The following SPATA24 variants were observed in gnomAD, a reference collection of about 807,000 sequenced individuals.
The protein encoded by SPATA24 is spermatogenesis associated 24.
In SPATA24, 21 loss-of-function variants were observed where a neutral mutation model predicts 28.9. That is an observed-to-expected ratio of 0.73 (90% CI 0.52 to 1.05). The LOEUF is 1.05. SPATA24 is among the 50% of genes least tolerant of loss of function. The pLI, the probability that SPATA24 is intolerant of heterozygous loss-of-function variation, is 0.00. For missense variants in SPATA24, 215 were observed against 242.9 expected, an observed-to-expected ratio of 0.88 and a Z score of 0.76; for synonymous variants, 76 against 89.9, an observed-to-expected ratio of 0.85 and a Z score of 0.88.
intron 2 of SPATA24, among the ~76,000 whole-genome samples, 169 bp from the exon 3 acceptor site, chr5:139,402,214 CTTTT>C (rs1350123584): frequency 6.6e-6 from 1 of 150,804 alleles, no homozygotes; most frequent in Non-Finnish European, 1.5e-5. Flanking sequence ...TTTCTTTTTT[CTTTT>C]TTCTTTTTTT....
At position 139,402,660 on chromosome 5, in the gene SPATA24, C is replaced by T. The variant is rs1758851501; in HGVS notation, c.151G>A (p.Glu51Lys). 6.4e-7 allele frequency: 1 copy of T among 1,551,908 alleles called. No individual in the cohort carries two copies. The highest frequency in any genetic ancestry group is 1.2e-5 in the South Asian group (1 of 84,062). Residue 51 changes from glutamate (E) to lysine (K), a missense_variant, in exon 2 of 6, where the codon GAA becomes AAA. Physicochemically the swap from Glu to Lys is moderately conservative, Grantham distance 56. Transcript: ENST00000450845. ...VLQDENFVSK[E>K]EFQAVEKKLV... is the part of the protein sequence containing the mutation. ...TTCTTCTCCACTGCCTGGAACTCTT[C>T]TTTACTGACAAAATTTTCGTCCTGG... is the stretch of plus-strand genomic sequence containing the variant.
At chr5:139,399,924 T>C (rs1431136041) in intron 4 of SPATA24, among the ~76,000 whole-genome samples, 1 of 152,222 alleles carries the variant, frequency 6.6e-6, no homozygotes, top group Non-Finnish European at 1.5e-5. Context: ...TCTCTGGCCC[T>C]ACCAGGAAAG....
chr5:139,394,422 T>C (rs2152076989), downstream of SPATA24: 1 of 1,393,458 alleles, frequency 7.2e-7, no homozygotes, highest in Non-Finnish European at 9.2e-7. Context: ...CGGCCGCCCT[T>C]GGGGGACTCT....
intron 2 of SPATA24, among the ~76,000 whole-genome samples, 158 bp from the exon 3 acceptor site, chr5:139,402,203 CTTTCTTT>C (rs1302849215): frequency 1.6e-4 from 24 of 151,562 alleles, no homozygotes; most frequent in South Asian, 1.0e-3. Context: ...AGAGGCCGAC[CTTTCTTT>C]TTTCTTTTTT....
chr5:139,392,629 G>T, downstream of SPATA24: 2 of 1,381,512 alleles, frequency 1.4e-6, no homozygotes, highest in Non-Finnish European at 9.3e-7. This position sits in a 1 kb window ranked among gnomAD's most constrained non-coding sequence, Gnocchi z 5.8. Context: ...TGGTGTCTTC[G>T]GTTTGGGTGC....
downstream of SPATA24, chr5:139,395,052 C>A (rs2152077236): frequency 1.4e-6 from 2 of 1,419,914 alleles, no homozygotes; most frequent in East Asian, 5.9e-5. Flanking sequence ...GGATCCCAGG[C>A]AGGGCTGGCG....
Position 139,397,096 on chromosome 5 carries a change from CTT to C in SPATA24, c.431_432del (p.Lys144ArgfsTer3), listed in dbSNP as rs756182711. The C allele has an allele frequency of 1.2e-5, 18 of 1,551,886 alleles. No homozygotes were observed. The highest frequency in any genetic ancestry group is 5.9e-5 in the Admixed American group (3 of 50,994). ...IIKQEDILNGKENEIKELQQV... is the reference protein window; with the variant it reads ...IIKQEDILNGXENEIKELQQV... ...TGCTGCAACTCTTTAATCTCATTCT[CTT>C]TGCCATTAAGTATATCTTCTTGCTT... On this transcript the variant is annotated frameshift_variant, in exon 5 of 6. Coordinates refer to ENST00000450845, the MANE Select transcript of SPATA24 (RefSeq NM_194296.2). LOFTEE classifies it high-confidence loss of function.
downstream of SPATA24, chr5:139,393,676 C>G: frequency 6.4e-7 from 1 of 1,551,034 alleles, no homozygotes; most frequent in African/African-American, 1.4e-5. Flanking sequence ...GGACGGGCTC[C>G]TTTCCCCAGC....
At chr5:139,401,702 A>G (rs895715219) in intron 4 of SPATA24, 53 bp downstream of exon 4, 1 of 1,523,200 alleles carries the variant, frequency 6.6e-7, no homozygotes, top group African/African-American at 1.4e-5. Flanking sequence ...CTGGGTGGTT[A>G]GGAAAGAGCC....
intron 2 of SPATA24, 72 bp from the exon 3 acceptor site, chr5:139,402,117 C>T (rs1407881087): frequency 1.3e-6 from 2 of 1,497,054 alleles, no homozygotes; most frequent in Non-Finnish European, 1.8e-6. Context: ...TAACCAGCCC[C>T]CCTTCTCAGA....
rs377273509 is a variant in SPATA24, at chr5:139,401,899, A to G, written c.314+16T>C. The G allele has an allele frequency of 1.6e-5, 25 of 1,551,338 alleles. No homozygotes were observed. In the African/African-American group the frequency reaches 3.3e-4, roughly 20 times the overall value. On this transcript the variant is annotated intron_variant, in intron 3 of 5. Coordinates refer to ENST00000450845, the MANE Select transcript of SPATA24 (RefSeq NM_194296.2). ...GCATCCCCCAAACCCCACACCCCGTACTGAGGCCCACTCACGCTTTTTCAA... is the reference window on the plus strand; with the variant it reads ...GCATCCCCCAAACCCCACACCCCGTGCTGAGGCCCACTCACGCTTTTTCAA...
intron 2 of SPATA24, among the ~76,000 whole-genome samples, chr5:139,402,406 T>TAC (rs1490687455): frequency 7.3e-5 from 11 of 150,350 alleles, no homozygotes; most frequent in African/African-American, 2.7e-4. Context: ...TGTATATATA[T>TAC]ATTTTTTTGT....
chr5:139,402,743 C>T lies in SPATA24; in HGVS notation c.118-50G>A, dbSNP rs1464798721. ...GGGCCTGGGGCTGGAGTAGAAGGGG[C>T]GCCCTCTAGGGACCAGGACCAAAAG... On this transcript the variant is annotated intron_variant, in intron 1 of 5. Coordinates refer to ENST00000450845, the MANE Select transcript of SPATA24 (RefSeq NM_194296.2). 8.3e-6 allele frequency: 12 copies of T among 1,454,282 alleles called. No homozygotes were observed. The African/African-American group carries it at 8.4e-5, about 10-fold the overall frequency. The allele number at this position is 1,454,282 out of a possible 1,614,324, so 90.1% of individuals were successfully genotyped here. A position where few individuals can be genotyped will look rare whatever the true frequency, so the allele number is the denominator to read the frequency against.
At chr5:139,394,631 G>C (rs1254425334), downstream of SPATA24, 1 of 1,534,284 alleles carries the variant, frequency 6.5e-7, no homozygotes, top group East Asian at 2.5e-5. Context: ...ACCGCGGCGG[G>C]AGACGCTGGC....
At chr5:139,394,643 C>T (rs1364990942), downstream of SPATA24, 4 of 1,534,686 alleles carry the variant, frequency 2.6e-6, no homozygotes, top group Non-Finnish European at 3.5e-6. Flanking sequence ...GACGCTGGCC[C>T]CGGCGGCAAG....
chr5:139,394,346 C>T (rs1001231277), downstream of SPATA24: 4 of 1,434,532 alleles, frequency 2.8e-6, no homozygotes, highest in African/African-American at 1.5e-5. Flanking sequence ...CCCGCGGCGG[C>T]CTGCAGGGGG....
At chr5:139,401,611 G>A (rs747257821) in intron 4 of SPATA24, 144 bp downstream of exon 4, 325 of 885,386 alleles carry the variant, frequency 3.7e-4, no homozygotes, top group Non-Finnish European at 5.0e-4. Flanking sequence ...AGGCCTTTTC[G>A]AAGGTGTGGC....
intron 4 of SPATA24, among the ~76,000 whole-genome samples, 178 bp from the exon 5 acceptor site, chr5:139,397,321 G>A (rs1257464534): frequency 6.6e-6 from 1 of 152,124 alleles, no homozygotes; most frequent in Non-Finnish European, 1.5e-5. Context: ...GGAGTGCAGT[G>A]TTTGAGGATT....
rs1348177298 is a variant in SPATA24, at chr5:139,399,008, A to G, written c.386-1865T>C. On this transcript the variant is annotated intron_variant, in intron 4 of 5. Coordinates refer to ENST00000450845, the MANE Select transcript of SPATA24 (RefSeq NM_194296.2). ...CATTGCACTTCAGCCTGGGTGACAGAGCGAGATTCCGCTTCAAAAAAAAAA... is the reference window on the plus strand; with the variant it reads ...CATTGCACTTCAGCCTGGGTGACAGGGCGAGATTCCGCTTCAAAAAAAAAA... Among the ~76,000 whole-genome samples the G allele has an allele frequency of 9.8e-5, 8 of 81,902 alleles. 2 individuals carry two copies. The highest frequency in any genetic ancestry group is 1.7e-4 in the Non-Finnish European group (8 of 48,230). 53.7% of individuals were successfully genotyped at this position (81,902 alleles called of 152,430 possible). A position where few individuals can be genotyped will look rare whatever the true frequency, so the allele number is the denominator to read the frequency against.
Sources: gnomAD v4.1 joint callset for allele counts (sites outside exome capture counted in the v4.1 genomes callset) on GRCh38, gnomAD v4.1.1 for gene constraint, Gnocchi (gnomAD v3.1) non-coding constraint, MANE v1.5 for transcripts, NCBI Gene and HGNC (gene_info 2026-07-23, HGNC 2026-07-21) for gene names.